The following EMC8 variants were observed in gnomAD, a reference collection of about 807,000 sequenced individuals.
The protein encoded by EMC8 is ER membrane protein complex subunit 8.
EMC8 carries 11 observed loss-of-function variants against 24.3 expected under a neutral mutation model. That is an observed-to-expected ratio of 0.45 (90% CI 0.28 to 0.75). The LOEUF is 0.75. Ranked by LOEUF, EMC8 falls within the 30% of genes least tolerant of loss-of-function variation. EMC8 has a pLI of 0.12. For synonymous variants in EMC8, 145 were observed against 117.7 expected, an observed-to-expected ratio of 1.23 and a Z score of -1.50; for missense variants, 277 against 282.7, an observed-to-expected ratio of 0.98 and a Z score of 0.14.
At chr16:85,788,025 G>A (rs1307305072) in intron 2 of EMC8, among the ~76,000 whole-genome samples, 2 of 152,182 alleles carry the variant, frequency 1.3e-5, no homozygotes, top group South Asian at 2.1e-4. Context: ...CATCTCCCTG[G>A]ACACTGGAGG....
intron 1 of EMC8, among the ~76,000 whole-genome samples, chr16:85,796,023 T>C (rs1905231836): frequency 6.6e-6 from 1 of 152,062 alleles, no homozygotes; most frequent in African/African-American, 2.4e-5. Flanking sequence ...GTTGGAGAGC[T>C]TTTCCCTACG....
intron 2 of EMC8, chr16:85,781,818 G>C (rs1349370285): frequency 6.5e-6 from 1 of 153,686 alleles, no homozygotes; most frequent in African/African-American, 2.4e-5. Context: ...GCAGGGGTCA[G>C]CACATCTGGA....
At position 85,789,012 on chromosome 16, in the gene EMC8, A is replaced by G. The variant is rs200274492; in HGVS notation, c.270T>C (p.Ala90=). Residue 90 remains alanine, a synonymous_variant, in exon 2 of 5, where the codon GCT becomes GCC. Transcript: ENST00000253457. ...CTCGCTCATTAGCTTGATAATAACC[A>G]GCAATCACGTAGCTATGATCTTTGC... ...SWCKDHSYVI[A]GYYQANERVK... 152 of 1,614,074 alleles carry G rather than the reference A, an allele frequency of 9.4e-5. 2 individuals are homozygous for G. The East Asian group carries it at 3.2e-3, about 34-fold the overall frequency.
At position 85,780,152 on chromosome 16, in the gene EMC8, G is replaced by C. The variant is rs542844778; in HGVS notation, c.473+227C>G. ...ACATCAAAGCACAGGCCTGGGAAGAGTGTCTGTGCTCTAGCGCCTGGGGTG... is the reference window on the plus strand; with the variant it reads ...ACATCAAAGCACAGGCCTGGGAAGACTGTCTGTGCTCTAGCGCCTGGGGTG... On this transcript the variant is annotated intron_variant, in intron 4 of 4. Transcript: ENST00000253457. The C allele has an allele frequency of 2.3e-5, 14 of 602,276 alleles. No individual in the cohort carries two copies. The East Asian group carries it at 3.9e-4, about 17-fold the overall frequency. 37.3% of individuals were successfully genotyped at this position (602,276 alleles called of 1,614,324 possible).
In EMC8 at chr16:85,781,253, G is replaced by A. The variant is rs779563251; in HGVS notation, c.336C>T (p.Ala112=). ...ASPNQVAEKV[A]SRIAEGFSDT... is the part of the protein sequence containing the mutation. ...CGCTGAAGCCCTCGGCGATTCTGGA[G>A]GCCACCTTCTCTGCAACCTGGTTTG... is the stretch of plus-strand genomic sequence containing the variant. Residue 112 remains alanine (A), a synonymous_variant, in exon 3 of 5, where the codon GCC becomes GCT. Transcript: ENST00000253457. 1.9e-6 allele frequency: 3 copies of A among 1,611,702 alleles called. No homozygotes were observed. The highest frequency in any genetic ancestry group is 1.1e-5 in the South Asian group (1 of 90,958).
In EMC8 at chr16:85,779,566, C is replaced by G. The variant is rs979220666; in HGVS notation, c.*142G>C. ...TTAAAAACACGACCGACTGAACATT[C>G]TGCCCCCTTTCAAGGCACATGCCAC... On this transcript the variant is annotated 3_prime_UTR_variant, in exon 5 of 5. Coordinates refer to ENST00000253457, the MANE Select transcript of EMC8 (RefSeq NM_006067.5). 6.3e-6 allele frequency: 5 copies of G among 791,364 alleles called. No homozygotes were observed. The highest frequency in any genetic ancestry group is 3.3e-5 in the South Asian group (2 of 60,850). 49.0% of individuals were successfully genotyped at this position (791,364 alleles called of 1,614,324 possible). A position where few individuals can be genotyped will look rare whatever the true frequency, so the allele number is the denominator to read the frequency against.
intron 2 of EMC8, among the ~76,000 whole-genome samples, chr16:85,783,500 C>T (rs1904608444): frequency 1.3e-5 from 2 of 152,180 alleles, no homozygotes; most frequent in South Asian, 4.1e-4. Context: ...TTCTCCTGAA[C>T]TAAATTTTCC....
intron 2 of EMC8, among the ~76,000 whole-genome samples, chr16:85,784,193 T>C (rs1904643613): frequency 1.3e-5 from 2 of 152,118 alleles, no homozygotes; most frequent in Non-Finnish European, 1.5e-5. Flanking sequence ...AGAGATGGGG[T>C]TTCACCGTGT....
chr16:85,789,203 G>T (rs1459057799), intron 1 of EMC8, among the ~76,000 whole-genome samples, 153 bp from the exon 2 acceptor site: 2 of 152,032 alleles, frequency 1.3e-5, no homozygotes, highest in African/African-American at 4.8e-5. Context: ...GTAGGACTCA[G>T]GAAAAAATGG....
intron 2 of EMC8, among the ~76,000 whole-genome samples, chr16:85,786,788 A>G (rs1336216830): frequency 1.3e-5 from 2 of 152,208 alleles, no homozygotes; most frequent in African/African-American, 4.8e-5. Flanking sequence ...CGAGTAGGAT[A>G]ATTCCAGGCT....
intron 1 of EMC8, among the ~76,000 whole-genome samples, chr16:85,794,874 C>A (rs1905184377): frequency 6.6e-6 from 1 of 152,200 alleles, no homozygotes; most frequent in South Asian, 2.1e-4. Context: ...GGCGCGGGAG[C>A]AAGGTCAGAG....
At position 85,779,259 on chromosome 16, in the gene EMC8, G is replaced by C. The variant is rs751944723; in HGVS notation, c.*449C>G. On this transcript the variant is annotated 3_prime_UTR_variant, in exon 5 of 5. Transcript: ENST00000253457. ...ACTCCACGTGTCTACCCTGATCCCA[G>C]GACGCCTGGACGACATCAAAATTCA... The C allele has an allele frequency of 1.2e-5, 2 of 164,732 alleles. No homozygotes were observed. The highest frequency in any genetic ancestry group is 4.9e-5 in the African/African-American group (2 of 41,214). The allele number at this position is 164,732 out of a possible 1,614,324, so 10.2% of individuals were successfully genotyped here. A position where few individuals can be genotyped will look rare whatever the true frequency, so the allele number is the denominator to read the frequency against.
In EMC8 at chr16:85,779,669, T is replaced by C. The variant is rs201584018; in HGVS notation, c.*39A>G. On this transcript the variant is annotated 3_prime_UTR_variant, in exon 5 of 5. Coordinates refer to ENST00000253457, the MANE Select transcript of EMC8 (RefSeq NM_006067.5). ...TAAAAATAGGTTTTCTTCTTCAACG[T>C]AGTGGAAAGGCCCGGAGCCCAGTCA... is the stretch of plus-strand genomic sequence containing the variant. 4.6e-4 allele frequency: 727 copies of C among 1,596,342 alleles called. 2 individuals carry two copies. The highest frequency in any genetic ancestry group is 5.2e-4 in the Non-Finnish European group (603 of 1,164,272).
At chr16:85,779,997 T>G (rs1282821678) in intron 4 of EMC8, 130 bp from the exon 5 acceptor site, 1 of 737,792 alleles carries the variant, frequency 1.4e-6, no homozygotes, top group Non-Finnish European at 2.3e-6. Context: ...GAGAAACATG[T>G]GCATTTCAAA....
rs185572045 is a variant in EMC8, at chr16:85,795,626, G to A, written c.231+3439C>T. 4.2e-3 allele frequency among the ~76,000 whole-genome samples: 640 copies of A among 152,262 alleles called. 3 individuals are homozygous for A. Among genetic ancestry groups the A allele is most frequent in the African/African-American group, 0.015 (621 of 41,548 alleles). ...TGAAGCTCCCATAAAAACCCAAGAG[G>A]ACGGGGAGCTTCCATGCCCCTTTCC... On this transcript the variant is annotated intron_variant, in intron 1 of 4. Transcript: ENST00000253457.
At chr16:85,795,610 C>T (rs936765665) in intron 1 of EMC8, among the ~76,000 whole-genome samples, 2 of 152,204 alleles carry the variant, frequency 1.3e-5, no homozygotes, top group Admixed American at 6.5e-5. Context: ...ATGAAGCTCC[C>T]ATAAAAACCC....
intron 2 of EMC8, among the ~76,000 whole-genome samples, chr16:85,786,574 G>A (rs1315967351): frequency 6.6e-6 from 1 of 152,170 alleles, no homozygotes; most frequent in Non-Finnish European, 1.5e-5. Flanking sequence ...GGAGGGGGAG[G>A]TGGATTCCCT....
intron 1 of EMC8, among the ~76,000 whole-genome samples, chr16:85,797,305 G>C (rs930345224): frequency 2.6e-5 from 4 of 152,216 alleles, no homozygotes; most frequent in African/African-American, 9.6e-5. Context: ...CTACCTGGGA[G>C]GCTGAAGCAG....
At chr16:85,791,000 A>C (rs1904983720) in intron 1 of EMC8, among the ~76,000 whole-genome samples, 1 of 151,860 alleles carries the variant, frequency 6.6e-6, no homozygotes, top group Non-Finnish European at 1.5e-5. Context: ...CTAATTTTTA[A>C]ATTTTTTGTA....
Sources: allele counts gnomAD v4.1 joint callset (sites outside exome capture counted in the v4.1 genomes callset), GRCh38; gene constraint gnomAD v4.1.1; transcripts MANE v1.5; gene names NCBI Gene and HGNC (gene_info 2026-07-23, HGNC 2026-07-21).